PLB1: variants seen among roughly 807,000 people sequenced by gnomAD.
The protein encoded by PLB1 is phospholipase B1, membrane-associated.
PLB1 carries 242 observed loss-of-function variants against 227.4 expected under a neutral mutation model. The observed-to-expected ratio is 1.06, with a 90% CI of 0.96 to 1.18. The LOEUF (loss-of-function observed/expected upper bound fraction) is 1.18, where lower values mean the gene tolerates loss of function less well. Ranked by LOEUF, PLB1 falls within the 50% of genes most tolerant of loss-of-function variation. The pLI, the probability that PLB1 is intolerant of heterozygous loss-of-function variation, is 0.00. For synonymous variants in PLB1, 757 were observed against 682.2 expected, an observed-to-expected ratio of 1.11 and a Z score of -1.71; for missense variants, 1,858 against 1,816.3, an observed-to-expected ratio of 1.02 and a Z score of -0.42.
At chr2:28,500,097 G>A (rs1474214607) in intron 1 of PLB1, among the ~76,000 whole-genome samples, 1 of 152,126 alleles carries the variant, frequency 6.6e-6, no homozygotes, top group African/African-American at 2.4e-5. Flanking sequence ...TGCTAATGTT[G>A]TGAATTAAAT....
chr2:28,595,454 G>T (rs1224101675), intron 33 of PLB1: 1 of 152,200 alleles, frequency 6.6e-6, no homozygotes, highest in Non-Finnish European at 1.5e-5. Context: ...TGTTCCTGGA[G>T]AAGAGAAAAT....
rs571087258 is a variant in PLB1, at chr2:28,615,666, C to G, written c.3195+1570C>G. On this transcript the variant is annotated intron_variant, in intron 44 of 57. Transcript: ENST00000327757. ...AATTCCCTGAGAATTGAAATGTCAGCTGCATCTTGTGAATCAGGCATTTCT... is the reference window on the plus strand; with the variant it reads ...AATTCCCTGAGAATTGAAATGTCAGGTGCATCTTGTGAATCAGGCATTTCT... 1.3e-3 allele frequency among the ~76,000 whole-genome samples: 199 copies of G among 152,322 alleles called. 1 individual carries two copies. The highest frequency in any genetic ancestry group is 2.3e-3 in the Non-Finnish European group (157 of 68,036).
rs754510099 is a variant in PLB1 at position 28,538,303 on chromosome 2, G to C, written c.556-16G>C. Reference sequence around the variant, plus strand: ...TCCTGCAGGCACCCTCACTTAGCACGGTTCTCCTCTCACAGAATGGGCTTG... The same window carrying C: ...TCCTGCAGGCACCCTCACTTAGCACCGTTCTCCTCTCACAGAATGGGCTTG... On this transcript the variant is annotated splice_polypyrimidine_tract_variant and intron_variant, in intron 9 of 57. Coordinates refer to ENST00000327757, the MANE Select transcript of PLB1 (RefSeq NM_153021.5). 1 of 1,614,066 alleles carries C rather than the reference G, an allele frequency of 6.2e-7. No homozygotes were observed. Among genetic ancestry groups the C allele is most frequent in the Admixed American group, 1.7e-5 (1 of 60,012 alleles).
chr2:28,601,469 C>CCACACACACACACACA (rs3071740), intron 37 of PLB1, 137 bp downstream of exon 37: 197 of 600,262 alleles, frequency 3.3e-4, no homozygotes, highest in African/African-American at 3.3e-3. Context: ...TATACACATA[C>CCACACACACACACACA]CACACACACA....
chr2:28,604,726 C>T lies in PLB1; in HGVS notation c.2928C>T (p.Pro976=). ...TQEDFSVVLQ[P]FFQNIQLPVL... is the part of the protein sequence containing the mutation. ...AGGACTTCTCTGTGGTGCTGCAGCC[C>T]TTCTTCCAGAACATCCAGCTCCCTG... is the stretch of plus-strand genomic sequence containing the variant. Residue 976 remains proline (P), a synonymous_variant, in exon 41 of 58, where the codon CCC becomes CCT. Transcript: ENST00000327757. The T allele has an allele frequency of 6.2e-7, 1 of 1,614,184 alleles. No homozygotes were observed. The highest frequency in any genetic ancestry group is 8.5e-7 in the Non-Finnish European group (1 of 1,180,008).
intron 16 of PLB1, among the ~76,000 whole-genome samples, chr2:28,552,659 G>T (rs1266555098): frequency 6.6e-6 from 1 of 152,182 alleles, no homozygotes; most frequent in Admixed American, 6.5e-5. Context: ...CATGATGCTG[G>T]TGAATCATTG....
At chr2:28,570,835 T>A (rs1185471769) in intron 20 of PLB1, among the ~76,000 whole-genome samples, 2 of 152,082 alleles carry the variant, frequency 1.3e-5, no homozygotes, top group African/African-American at 4.8e-5. Flanking sequence ...GAAGGAAAAT[T>A]CCTCATTCTG....
intron 20 of PLB1, among the ~76,000 whole-genome samples, chr2:28,569,611 T>A (rs1677649786): frequency 6.6e-6 from 1 of 152,030 alleles, no homozygotes; most frequent in South Asian, 2.1e-4. Context: ...ATCAGATAAC[T>A]TGGATGAAAT....
chr2:28,589,309 A>C (rs1466306629), intron 26 of PLB1, 141 bp from the exon 27 acceptor site: 3 of 648,566 alleles, frequency 4.6e-6, no homozygotes, highest in East Asian at 2.7e-5. Flanking sequence ...AAAATGTAAA[A>C]TCTCAGTTGA....
At chr2:28,612,453 G>A (rs969830001) in intron 43 of PLB1, among the ~76,000 whole-genome samples, 10 of 152,230 alleles carry the variant, frequency 6.6e-5, no homozygotes, top group East Asian at 1.9e-4. Context: ...CCTGGAACCC[G>A]TCCCTTCCTC....
intron 1 of PLB1, among the ~76,000 whole-genome samples, chr2:28,507,834 T>C (rs1374757768): frequency 6.6e-6 from 1 of 152,174 alleles, no homozygotes; most frequent in Non-Finnish European, 1.5e-5. Context: ...TAATTGGTGG[T>C]GTGGTCTCTC....
rs1296562421 is a variant in PLB1, at chr2:28,591,772, A to G, written c.2188+12A>G. ...GCACCCTACCTCAGGTAAGCCCCCT[A>G]TGGCACAGCAGGACCCAGGGCCCCT... On this transcript the variant is annotated intron_variant, in intron 31 of 57. Coordinates refer to ENST00000327757, the MANE Select transcript of PLB1 (RefSeq NM_153021.5). 4.3e-6 allele frequency: 7 copies of G among 1,613,316 alleles called. No homozygotes were observed. The highest frequency in any genetic ancestry group is 2.2e-5 in the East Asian group (1 of 44,874).
chr2:28,533,381 G>A (rs980918137), intron 9 of PLB1, among the ~76,000 whole-genome samples: 6 of 152,036 alleles, frequency 3.9e-5, no homozygotes, highest in East Asian at 1.9e-4. Context: ...TGAAATTTAC[G>A]TGCCTCATTT....
intron 25 of PLB1, among the ~76,000 whole-genome samples, chr2:28,582,806 T>C (rs1680268137): frequency 6.6e-6 from 1 of 151,378 alleles, no homozygotes. Context: ...AGGAATGGAG[T>C]CAAGCTGTGT....
At chr2:28,549,683 A>G (rs1163010767) in intron 15 of PLB1, among the ~76,000 whole-genome samples, 1 of 152,160 alleles carries the variant, frequency 6.6e-6, no homozygotes, top group Non-Finnish European at 1.5e-5. Context: ...TAATAAGTAT[A>G]CAATTCACCT....
At chr2:28,594,439 C>G (rs1022382513) in intron 33 of PLB1, 2 of 163,098 alleles carry the variant, frequency 1.2e-5, no homozygotes, top group African/African-American at 4.8e-5. Context: ...CAGAATTTAC[C>G]TGGGAAAACA....
intron 44 of PLB1, among the ~76,000 whole-genome samples, chr2:28,617,250 G>A (rs1686322956): frequency 6.6e-6 from 1 of 152,192 alleles, no homozygotes; most frequent in African/African-American, 2.4e-5. Flanking sequence ...AAAATATTTT[G>A]TGTTATTATT....
At position 28,582,153 on chromosome 2, in the gene PLB1, A is replaced by C. The variant is rs758849483; in HGVS notation, c.1632+20A>C. 2 of 1,608,594 alleles carry C rather than the reference A, an allele frequency of 1.2e-6. No homozygotes were observed. The highest frequency in any genetic ancestry group is 2.2e-5 in the South Asian group (2 of 90,976). On this transcript the variant is annotated intron_variant, in intron 24 of 57. Coordinates refer to ENST00000327757, the MANE Select transcript of PLB1 (RefSeq NM_153021.5). ...GCTGAGGTACGGAGGCTAGGCCATG[A>C]GGCCTGCATCTTAGACCTCAGACCT...
At chr2:28,497,794 C>T (rs199932322) in intron 1 of PLB1, among the ~76,000 whole-genome samples, 2 of 151,752 alleles carry the variant, frequency 1.3e-5, no homozygotes, top group East Asian at 3.9e-4. Context: ...TCTCAGCTTA[C>T]CGCAACCTCT....
Sources: gnomAD v4.1 joint callset for allele counts (sites outside exome capture counted in the v4.1 genomes callset) on GRCh38, gnomAD v4.1.1 for gene constraint, MANE v1.5 for transcripts, NCBI Gene and HGNC (gene_info 2026-07-23, HGNC 2026-07-21) for gene names.